The following HSPA12A variants were observed in gnomAD, a reference collection of about 807,000 sequenced individuals.
The protein encoded by HSPA12A is heat shock protein family A (Hsp70) member 12A.
A neutral mutation model predicts 69.2 loss-of-function variants in HSPA12A; 28 were observed. The ratio of observed to expected loss-of-function variants is 0.40; its 90% CI spans 0.30 to 0.55. The LOEUF is 0.55. HSPA12A is among the 20% of genes least tolerant of loss of function. HSPA12A has a pLI of 0.38. For missense variants in HSPA12A, 686 were observed against 900.7 expected, an observed-to-expected ratio of 0.76 and a Z score of 3.05; for synonymous variants, 345 against 370.5, an observed-to-expected ratio of 0.93 and a Z score of 0.79.
chr10:116,845,994 C>T (rs72831646), intron 1 of HSPA12A, among the ~76,000 whole-genome samples: 8,650 of 152,254 alleles, frequency 0.057, 326 homozygotes, highest in Non-Finnish European at 0.085. Context: ...TGATGACTCA[C>T]TCTGATATAA....
At chr10:116,727,263 C>A (rs1158233549) in intron 1 of HSPA12A, among the ~76,000 whole-genome samples, 1 of 152,158 alleles carries the variant, frequency 6.6e-6, no homozygotes, top group Non-Finnish European at 1.5e-5. Context: ...CATCTCAAGG[C>A]TCATCTGGCA....
chr10:116,794,551 T>C (rs1370980595), intron 2 of HSPA12A, among the ~76,000 whole-genome samples: 1 of 152,194 alleles, frequency 6.6e-6, no homozygotes, highest in African/African-American at 2.4e-5. Flanking sequence ...GGTGTAATCA[T>C]ACCTATAATC....
chr10:116,802,045 G>A (rs1844968055), intron 2 of HSPA12A, among the ~76,000 whole-genome samples: 1 of 152,176 alleles, frequency 6.6e-6, no homozygotes, highest in Non-Finnish European at 1.5e-5. Context: ...CCCTGGGGAG[G>A]GCATAAGCTC....
intron 1 of HSPA12A, among the ~76,000 whole-genome samples, chr10:116,846,646 C>T (rs541074519): frequency 2.0e-5 from 3 of 152,224 alleles, no homozygotes; most frequent in African/African-American, 4.8e-5. Flanking sequence ...CCGTGCCTGG[C>T]CTTGTTAATG....
Position 116,700,925 on chromosome 10 carries a change from G to C in HSPA12A, c.441+18C>G, listed in dbSNP as rs1554881544. 6.2e-7 allele frequency: 1 copy of C among 1,610,720 alleles called. No homozygotes were observed. The highest frequency in any genetic ancestry group is 8.5e-7 in the Non-Finnish European group (1 of 1,178,288). On this transcript the variant is annotated intron_variant, in intron 4 of 11. Transcript: ENST00000369209. Reference sequence around the variant, plus strand: ...CTCCATTGCGGGGGACCTGGGCCCAGGGGAGAGGCTTGCTCACCCCAGTGG... The same window carrying C: ...CTCCATTGCGGGGGACCTGGGCCCACGGGAGAGGCTTGCTCACCCCAGTGG...
intron 1 of HSPA12A, among the ~76,000 whole-genome samples, chr10:116,720,136 TA>T (rs1850728434): frequency 6.6e-6 from 1 of 152,152 alleles, no homozygotes; most frequent in African/African-American, 2.4e-5. Context: ...ATATCTCAAT[TA>T]AAAACAAATC....
At chr10:116,762,768 G>C (rs1843999063) in intron 2 of HSPA12A, among the ~76,000 whole-genome samples, 1 of 152,108 alleles carries the variant, frequency 6.6e-6, no homozygotes, top group African/African-American at 2.4e-5. Flanking sequence ...ATTTTTAGTA[G>C]AGATGGAGTT....
rs188853300 is a variant in HSPA12A at position 116,806,181 on chromosome 10, A to G, written c.91+28754T>C. 3.9e-5 allele frequency among the ~76,000 whole-genome samples: 6 copies of G among 152,328 alleles called. No homozygotes were observed. The East Asian group carries it at 7.7e-4, about 20-fold the overall frequency. On this transcript the variant is annotated intron_variant, in intron 2 of 12. Transcript: ENST00000635765. The stretch of plus-strand genomic sequence containing the variant: ...ATGAGTGACAGCACAGTGGAATTCT[A>G]CAGGAAGACACTGCTGTAGATATAT...
chr10:116,763,660 C>T (rs781871057), intron 2 of HSPA12A, among the ~76,000 whole-genome samples: 1 of 152,102 alleles, frequency 6.6e-6, no homozygotes, highest in African/African-American at 2.4e-5. Flanking sequence ...CAACTTGGGG[C>T]CATCTCCAGG....
chr10:116,742,371 G>A, intron 1 of HSPA12A, 59 bp downstream of exon 1: 1 of 1,411,094 alleles, frequency 7.1e-7, no homozygotes, highest in Non-Finnish European at 9.2e-7. Flanking sequence ...TGGGCCAAGC[G>A]CGCCTCCTCC....
intron 1 of HSPA12A, among the ~76,000 whole-genome samples, chr10:116,732,890 C>A (rs1426797381): frequency 6.6e-6 from 1 of 152,166 alleles, no homozygotes; most frequent in Non-Finnish European, 1.5e-5. Flanking sequence ...GACCTCGATT[C>A]TGAGCCTGGC....
At chr10:116,703,587 G>A (rs1344466438) in intron 3 of HSPA12A, among the ~76,000 whole-genome samples, 1 of 151,950 alleles carries the variant, frequency 6.6e-6, no homozygotes, top group Non-Finnish European at 1.5e-5. Flanking sequence ...TAATCTAGGA[G>A]CAATACTAAA....
intron 2 of HSPA12A, chr10:116,830,178 A>G (rs1426843709): frequency 6.6e-6 from 1 of 152,190 alleles, no homozygotes; most frequent in African/African-American, 2.4e-5. Context: ...TCTGACTTCA[A>G]TGTACTATGA....
intron 2 of HSPA12A, among the ~76,000 whole-genome samples, chr10:116,757,154 C>T (rs1416410015): frequency 1.3e-5 from 2 of 152,198 alleles, no homozygotes; most frequent in African/African-American, 4.8e-5. Flanking sequence ...GTAACCAAGC[C>T]ACCGCTGCCA....
At position 116,726,027 on chromosome 10, in the gene HSPA12A, G is replaced by GCACGCACA. The variant is rs1554884973; in HGVS notation, c.40+16402_40+16403insTGTGCGTG. 2.1e-4 allele frequency among the ~76,000 whole-genome samples: 30 copies of GCACGCACA among 146,114 alleles called. 1 individual carries two copies. The highest frequency in any genetic ancestry group is 6.9e-4 in the African/African-American group (27 of 38,972). Reference sequence around the variant, plus strand: ...ACAAGGTTTAGACACACACACACACGCACACACACACACACACACACACAC... The same window carrying GCACGCACA: ...ACAAGGTTTAGACACACACACACACGCACGCACACACACACACACACACACACACACAC... On this transcript the variant is annotated intron_variant, in intron 1 of 11. Coordinates refer to ENST00000369209, the MANE Select transcript of HSPA12A (RefSeq NM_025015.3).
chr10:116,807,745 TG>T (rs1240360571), intron 2 of HSPA12A, among the ~76,000 whole-genome samples: 1 of 152,224 alleles, frequency 6.6e-6, no homozygotes, highest in Non-Finnish European at 1.5e-5. Context: ...AGGATCACAC[TG>T]CAGCCGTTCA....
At chr10:116,759,179 G>A (rs889250698) in intron 2 of HSPA12A, among the ~76,000 whole-genome samples, 4 of 152,156 alleles carry the variant, frequency 2.6e-5, no homozygotes, top group African/African-American at 9.7e-5. Context: ...GAAAGTTTCT[G>A]TATCCATTAA....
At position 116,758,220 on chromosome 10, in the gene HSPA12A, C is replaced by T. The variant is rs191563994; in HGVS notation, c.92-50935G>A. ...TTGATACATGGATTTCAGTCTCTTT[C>T]AGACCCATGTCCTGCCTTCTGAGAA... On this transcript the variant is annotated intron_variant, in intron 2 of 12. Transcript: ENST00000635765. 4.6e-5 allele frequency among the ~76,000 whole-genome samples: 7 copies of T among 152,302 alleles called. No homozygotes were observed. The East Asian group carries it at 1.2e-3, about 25-fold the overall frequency.
intron 2 of HSPA12A, among the ~76,000 whole-genome samples, chr10:116,784,898 G>A (rs555023291): frequency 6.6e-6 from 1 of 152,184 alleles, no homozygotes; most frequent in Non-Finnish European, 1.5e-5. Context: ...CTGAGGGCAC[G>A]TGTCTACAAC....
Sources: allele counts gnomAD v4.1 joint callset (sites outside exome capture counted in the v4.1 genomes callset), GRCh38; gene constraint gnomAD v4.1.1; transcripts MANE v1.5; gene names NCBI Gene and HGNC (gene_info 2026-07-23, HGNC 2026-07-21).